F5: variants seen among roughly 807,000 people sequenced by gnomAD.
The protein encoded by F5 is activated protein c cofactor.
F5 carries 138 observed loss-of-function variants against 216.4 expected under a neutral mutation model. The observed-to-expected ratio is 0.64, with a 90% CI of 0.56 to 0.73. F5 has a LOEUF of 0.73. Ranked by LOEUF, F5 falls within the 30% of genes least tolerant of loss-of-function variation. The pLI is 0.00. For missense variants in F5, 2,403 were observed against 2,674.0 expected, an observed-to-expected ratio of 0.90 and a Z score of 2.24; for synonymous variants, 916 against 930.7, an observed-to-expected ratio of 0.98 and a Z score of 0.29.
intron 3 of F5, among the ~76,000 whole-genome samples, chr1:169,570,292 T>C (rs1660694066): frequency 6.6e-6 from 1 of 151,996 alleles, no homozygotes; most frequent in Non-Finnish European, 1.5e-5. Flanking sequence ...CCAGGTAGGG[T>C]CCAAAGTCTA....
At chr1:169,534,699 T>C (rs1659667116) in intron 14 of F5, among the ~76,000 whole-genome samples, 1 of 149,612 alleles carries the variant, frequency 6.7e-6, no homozygotes, top group Non-Finnish European at 1.5e-5. Context: ...AGACAGAAAA[T>C]ACATTGTTCT....
chr1:169,575,590 A>G (rs573224330), intron 2 of F5, among the ~76,000 whole-genome samples: 29 of 152,230 alleles, frequency 1.9e-4, no homozygotes, highest in Non-Finnish European at 1.2e-4. Context: ...TTATGATGAG[A>G]TGATGAGGAG....
chr1:169,519,527 T>C (rs1172425483), intron 22 of F5, among the ~76,000 whole-genome samples: 1 of 152,200 alleles, frequency 6.6e-6, no homozygotes, highest in Admixed American at 6.5e-5. Context: ...ACTACTGCTA[T>C]CTGGACATTG....
chr1:169,566,692 T>C (rs1243078713), intron 3 of F5, among the ~76,000 whole-genome samples: 1 of 152,054 alleles, frequency 6.6e-6, no homozygotes, highest in Non-Finnish European at 1.5e-5. Context: ...CCTCAGTTTT[T>C]TCATTTATAA....
In F5 at chr1:169,541,725, G is replaced by T. The variant is rs775534916; in HGVS notation, c.3365C>A (p.Pro1122His). 2 of 1,613,986 alleles carry T rather than the reference G, an allele frequency of 1.2e-6. No individual in the cohort carries two copies. Among genetic ancestry groups the T allele is most frequent in the Non-Finnish European group, 1.7e-6 (2 of 1,179,956 alleles). The change falls in exon 13 of 25, where the codon CCC becomes CAC. Residue 1122 changes from proline (P) to histidine (H), a missense_variant. Pro to His is a moderately conservative substitution (Grantham distance 77). Transcript: ENST00000367797. ...SCPPGLYQTV[P>H]PEEHYQTFPI... ...GAATGTTTGATAGTGTTCCTCTGGG[G>T]GCACTGTCTGATAAAGACCTGGAGG... is the stretch of plus-strand genomic sequence containing the variant.
At chr1:169,519,365 G>C (rs1659231413) in intron 22 of F5, among the ~76,000 whole-genome samples, 1 of 152,128 alleles carries the variant, frequency 6.6e-6, no homozygotes, top group Admixed American at 6.5e-5. Context: ...TAAGTTAGCA[G>C]AATTGAATGT....
At chr1:169,550,447 G>T (rs1660142526) in intron 9 of F5, among the ~76,000 whole-genome samples, 193 bp downstream of exon 9, 1 of 151,934 alleles carries the variant, frequency 6.6e-6, no homozygotes, top group Admixed American at 6.6e-5. Context: ...ACTAATAAAA[G>T]ACACCATATT....
chr1:169,582,557 A>T, intron 1 of F5, 35 bp from the exon 2 acceptor site: 4 of 1,138,100 alleles, frequency 3.5e-6, no homozygotes, highest in Non-Finnish European at 5.3e-6. Context: ...TTTGAAAGGC[A>T]TATTCAATAT....
chr1:169,575,629 T>C (rs1052887240), intron 2 of F5, among the ~76,000 whole-genome samples: 2 of 151,944 alleles, frequency 1.3e-5, no homozygotes, highest in Non-Finnish European at 2.9e-5. Context: ...ATTTATGAGA[T>C]AAAATAGTTG....
At chr1:169,574,829 T>C (rs1267710427) in intron 2 of F5, among the ~76,000 whole-genome samples, 1 of 152,206 alleles carries the variant, frequency 6.6e-6, no homozygotes, top group African/African-American at 2.4e-5. Flanking sequence ...CCACCTTGTA[T>C]TCATTCCTTT....
intron 13 of F5, among the ~76,000 whole-genome samples, chr1:169,538,240 C>G (rs1430878157): frequency 1.3e-5 from 2 of 152,034 alleles, no homozygotes; most frequent in African/African-American, 2.4e-5. Flanking sequence ...CACAGAAAGA[C>G]AAGTACTGCA....
chr1:169,555,055 G>T (rs1010730673), intron 7 of F5, 127 bp downstream of exon 7: 2 of 1,041,908 alleles, frequency 1.9e-6, no homozygotes, highest in African/African-American at 3.2e-5. Context: ...TTTACAAAAA[G>T]ACTTGAATAG....
At chr1:169,565,344 T>A (rs548656520) in intron 3 of F5, among the ~76,000 whole-genome samples, 2 of 152,212 alleles carry the variant, frequency 1.3e-5, no homozygotes, top group South Asian at 4.1e-4. Context: ...CACCCAAGTG[T>A]GAGTTCCTCA....
At position 169,544,380 on chromosome 1, in the gene F5, A is replaced by G. The variant is rs760197710; in HGVS notation, c.1891T>C (p.Phe631Leu). Reference protein sequence around the residue: ...ILTIHFTGHSFIYGKRHEDTL... With the variant: ...ILTIHFTGHSLIYGKRHEDTL... ...TCCTCATGCCTCTTTCCATAGATGAATGAGTGCCCAGTGAAGTGGATGGTC... is the reference window on the plus strand; with the variant it reads ...TCCTCATGCCTCTTTCCATAGATGAGTGAGTGCCCAGTGAAGTGGATGGTC... Residue 631 changes from phenylalanine to leucine, a missense_variant, in exon 12 of 25, where the codon TTC becomes CTC. By Grantham distance (22) the Phe-to-Leu change is conservative. Transcript: ENST00000367797. 2.5e-6 allele frequency: 4 copies of G among 1,614,148 alleles called. No homozygotes were observed. The East Asian group carries it at 6.7e-5, about 27-fold the overall frequency.
chr1:169,546,786 TG>T, intron 10 of F5, among the ~76,000 whole-genome samples, 194 bp from the exon 11 acceptor site: 1 of 152,190 alleles, frequency 6.6e-6, no homozygotes, highest in Non-Finnish European at 1.5e-5. Flanking sequence ...AAATTGAAAC[TG>T]GACCCCTTTC....
intron 12 of F5, among the ~76,000 whole-genome samples, chr1:169,543,367 C>T (rs1281261638): frequency 6.6e-6 from 1 of 152,148 alleles, no homozygotes; most frequent in African/African-American, 2.4e-5. Context: ...ACTCTAAGCA[C>T]ATGACCAGTG....
rs1659907938 is a variant in F5 at position 169,543,014 on chromosome 1, T to C, written c.2076A>G (p.Ser692=). The change falls in exon 13 of 25, where the codon TCA becomes TCG. Residue 692 remains serine, a synonymous_variant. Coordinates refer to ENST00000367797, the MANE Select transcript of F5 (RefSeq NM_000130.5). The part of the protein sequence containing the change: ...VKCIPDDDED[S]YEIFEPPEST... ...ATTCTGGAGGTTCAAAAATCTCATA[T>C]GAGTCTTCATCATCATCTGGGATAC... 2 of 1,613,970 alleles carry C rather than the reference T, an allele frequency of 1.2e-6. No individual in the cohort carries two copies. The highest frequency in any genetic ancestry group is 2.2e-5 in the East Asian group (1 of 44,890).
rs1487326538 is a variant in F5, at chr1:169,540,961, G to C, written c.4129C>G (p.Pro1377Ala). The change falls in exon 13 of 25, where the codon CCA becomes GCA. Residue 1377 changes from proline to alanine, a missense_variant. Around this residue, in one of 4 missense-constraint regions of F5, gnomAD observed 293 missense variants for 270.8 expected, o/e 1.08. Coordinates refer to ENST00000367797, the MANE Select transcript of F5 (RefSeq NM_000130.5). ...SLDLSQTNLSPELSQTNLSPD... is the reference protein window; with the variant it reads ...SLDLSQTNLSAELSQTNLSPD... The stretch of plus-strand genomic sequence containing the variant: ...GAAAGGTTTGTCTGACTGAGTTCTG[G>C]AGAGAGGTTTGTCTGGCTGAGGTCT... 3 of 1,595,982 alleles carry C rather than the reference G, an allele frequency of 1.9e-6. No individual in the cohort carries two copies. The highest frequency in any genetic ancestry group is 1.3e-5 in the African/African-American group (1 of 74,436).
intron 8 of F5, among the ~76,000 whole-genome samples, chr1:169,552,232 A>G (rs1171307109): frequency 6.6e-6 from 1 of 152,190 alleles, no homozygotes; most frequent in African/African-American, 2.4e-5. Flanking sequence ...ACTGACTGCC[A>G]TAAAGCTTAG....
Sources: gnomAD v4.1 joint callset for allele counts (sites outside exome capture counted in the v4.1 genomes callset) on GRCh38, gnomAD v4.1.1 for gene constraint, gnomAD v4.1.1 regional missense constraint, MANE v1.5 for transcripts, NCBI Gene and HGNC (gene_info 2026-07-23, HGNC 2026-07-21) for gene names.